The following CTSH variants were observed in gnomAD, a reference collection of about 807,000 sequenced individuals.
The protein encoded by CTSH is cathepsin H.
CTSH carries 52 observed loss-of-function variants against 56.3 expected under a neutral mutation model. The observed-to-expected ratio is 0.92, with a 90% CI of 0.74 to 1.16. CTSH has a LOEUF of 1.16. Among genes scored for constraint, CTSH ranks in the 50% most tolerant of loss-of-function variants. The pLI is 0.00. For synonymous variants in CTSH, 174 were observed against 155.7 expected, an observed-to-expected ratio of 1.12 and a Z score of -0.88; for missense variants, 406 against 424.5, an observed-to-expected ratio of 0.96 and a Z score of 0.38.
At chr15:78,937,926 CA>C (rs2055211033) in intron 2 of CTSH, 1 of 703,660 alleles carries the variant, frequency 1.4e-6, no homozygotes, top group Admixed American at 2.7e-5. Context: ...ATAATCAAAT[CA>C]AGGTCATTGG....
In CTSH at chr15:78,932,161, A is replaced by C. The variant is rs1021159256; in HGVS notation, c.492+211T>G. The C allele has an allele frequency of 1.3e-5, 13 of 980,502 alleles. No individual in the cohort carries two copies. In the Admixed American group the frequency reaches 1.5e-4, roughly 11 times the overall value. 60.7% of individuals were successfully genotyped at this position (980,502 alleles called of 1,614,324 possible). A position where few individuals can be genotyped will look rare whatever the true frequency, so the allele number is the denominator to read the frequency against. On this transcript the variant is annotated intron_variant, in intron 6 of 11. Coordinates refer to ENST00000220166, the MANE Select transcript of CTSH (RefSeq NM_004390.5). ...GACCACCCAGATCCATCTAGGAATG[A>C]GCCCTTGGGCCGGTTCCTTAATAAA... is the stretch of plus-strand genomic sequence containing the variant.
At chr15:78,933,323 C>T (rs543364063) in intron 5 of CTSH, among the ~76,000 whole-genome samples, 2 of 152,334 alleles carry the variant, frequency 1.3e-5, no homozygotes, top group Admixed American at 6.5e-5. Context: ...GCTTGCAGGG[C>T]GCTAGCAGGG....
intron 9 of CTSH, chr15:78,925,757 T>A: frequency 3.3e-6 from 1 of 299,032 alleles, no homozygotes; most frequent in Non-Finnish European, 6.6e-6. Context: ...CTCTCACCCC[T>A]ACACCCATAA....
rs192427940 is a variant in CTSH, at chr15:78,937,430, C to T, written c.124-7G>A. 1.2e-4 allele frequency: 190 copies of T among 1,609,898 alleles called. No homozygotes were observed. In the African/African-American group the frequency reaches 2.2e-3, roughly 18 times the overall value. ...TACTGTAGGTCTTACGGTGCTAAAA[C>T]AAAACACGCCAGTAGCAAGTCATGG... On this transcript the variant is annotated splice_region_variant and splice_polypyrimidine_tract_variant and intron_variant, in intron 2 of 11. Coordinates refer to ENST00000220166, the MANE Select transcript of CTSH (RefSeq NM_004390.5).
intron 1 of CTSH, among the ~76,000 whole-genome samples, chr15:78,942,465 G>A (rs1170590312): frequency 6.6e-6 from 1 of 152,136 alleles, no homozygotes; most frequent in Non-Finnish European, 1.5e-5. Context: ...CACCCACCTT[G>A]GCCTACCAAA....
chr15:78,936,722 C>G (rs1433784295), intron 3 of CTSH, among the ~76,000 whole-genome samples: 2 of 152,000 alleles, frequency 1.3e-5, no homozygotes, highest in Non-Finnish European at 2.9e-5. Flanking sequence ...CTCCACCTCC[C>G]GGGATCAAGT....
chr15:78,932,863 C>G (rs1443031253), intron 5 of CTSH, among the ~76,000 whole-genome samples: 1 of 152,148 alleles, frequency 6.6e-6, no homozygotes, highest in African/African-American at 2.4e-5. Context: ...TCTTCACTGG[C>G]TCCTCTTTTC....
At chr15:78,937,484 C>T (rs917367546) in intron 2 of CTSH, 61 bp from the exon 3 acceptor site, 25 of 1,483,106 alleles carry the variant, frequency 1.7e-5, no homozygotes, top group Non-Finnish European at 2.1e-5. Context: ...TAGAGGGAGA[C>T]CTTTTTGTTT....
intron 1 of CTSH, among the ~76,000 whole-genome samples, chr15:78,943,601 A>C (rs1279655677): frequency 6.6e-6 from 1 of 152,250 alleles, no homozygotes; most frequent in Non-Finnish European, 1.5e-5. Context: ...TAGAAGAAAC[A>C]TATTTCGTAG....
chr15:78,940,203 C>T (rs565434339), intron 1 of CTSH, among the ~76,000 whole-genome samples: 30 of 152,280 alleles, frequency 2.0e-4, no homozygotes, highest in African/African-American at 7.0e-4. Flanking sequence ...GGATTCCTGC[C>T]GTATTTCCCC....
intron 11 of CTSH, among the ~76,000 whole-genome samples, 194 bp downstream of exon 11, chr15:78,922,799 T>C (rs1429333406): frequency 6.6e-6 from 1 of 152,214 alleles, no homozygotes; most frequent in Non-Finnish European, 1.5e-5. Flanking sequence ...CCTGGGGCCC[T>C]GTGAGGGCTG....
chr15:78,931,534 T>A (rs2055061419), intron 6 of CTSH, 28 bp from the exon 7 acceptor site: 5 of 1,614,208 alleles, frequency 3.1e-6, no homozygotes, highest in Non-Finnish European at 4.2e-6. Flanking sequence ...CCCAGTGACC[T>A]GCCAGCTGAG....
At chr15:78,926,995 CACA>C (rs1354236312) in intron 9 of CTSH, 2 of 152,308 alleles carry the variant, frequency 1.3e-5, no homozygotes, top group African/African-American at 2.4e-5. Context: ...TGGGCGCACA[CACA>C]ACCTAAGCGA....
At chr15:78,942,509 G>C (rs1205346336) in intron 1 of CTSH, among the ~76,000 whole-genome samples, 1 of 152,062 alleles carries the variant, frequency 6.6e-6, no homozygotes, top group East Asian at 1.9e-4. Context: ...CCCCACGCCT[G>C]GCCTCACTCA....
At chr15:78,932,290 C>T in intron 6 of CTSH, 82 bp downstream of exon 6, 5 of 1,293,432 alleles carry the variant, frequency 3.9e-6, no homozygotes, top group Non-Finnish European at 5.6e-6. Context: ...AGCCAATGCT[C>T]CAGGGAAACC....
intron 1 of CTSH, among the ~76,000 whole-genome samples, chr15:78,943,133 C>A (rs1486505053): frequency 1.3e-5 from 2 of 152,174 alleles, no homozygotes; most frequent in Non-Finnish European, 2.9e-5. Context: ...CCAGAATAAT[C>A]TGCTGGTGAA....
At chr15:78,927,301 G>C (rs1298088733) in intron 9 of CTSH, 5 of 240,518 alleles carry the variant, frequency 2.1e-5, no homozygotes, top group Non-Finnish European at 4.1e-5. Flanking sequence ...ACTGTTGTCA[G>C]CCATGCAGAT....
At chr15:78,931,073 ATCTAAAG>A (rs2055048608) in intron 7 of CTSH, among the ~76,000 whole-genome samples, 1 of 152,134 alleles carries the variant, frequency 6.6e-6, no homozygotes, top group African/African-American at 2.4e-5. Flanking sequence ...TAGTGAGTTC[ATCTAAAG>A]GCCAACCCTG....
At chr15:78,929,115 A>T (rs1002345557) in intron 8 of CTSH, among the ~76,000 whole-genome samples, 3 of 151,812 alleles carry the variant, frequency 2.0e-5, no homozygotes, top group Non-Finnish European at 4.4e-5. Context: ...GAGAGGAGCC[A>T]GGAAGATGGG....
Sources: gnomAD v4.1 joint callset for allele counts (sites outside exome capture counted in the v4.1 genomes callset) on GRCh38, gnomAD v4.1.1 for gene constraint, MANE v1.5 for transcripts, NCBI Gene and HGNC (gene_info 2026-07-23, HGNC 2026-07-21) for gene names.